The following NOTCH2NLB variants were observed in gnomAD, a reference collection of about 807,000 sequenced individuals.
The protein encoded by NOTCH2NLB is notch homolog 2 N-terminal-like protein B.
NOTCH2NLB carries 1 observed loss-of-function variant against 14.8 expected under a neutral mutation model. The observed-to-expected ratio is 0.07, with a 90% CI of 0.02 to 0.32. The LOEUF is 0.32. NOTCH2NLB is among the 10% of genes least tolerant of loss of function. The pLI, the probability that NOTCH2NLB is intolerant of heterozygous loss-of-function variation, is 1.00. For missense variants in NOTCH2NLB, 11 were observed against 155.0 expected, an observed-to-expected ratio of 0.07 and a Z score of 4.93; for synonymous variants, 6 against 57.5, an observed-to-expected ratio of 0.10 and a Z score of 4.05.
intron 1 of NOTCH2NLB, among the ~76,000 whole-genome samples, chr1:148,661,318 A>T (rs1209903061): frequency 5.3e-5 from 8 of 149,972 alleles, no homozygotes; most frequent in African/African-American, 1.9e-4. Context: ...TTGAAAAAAC[A>T]ATTCCAAGGT....
downstream of NOTCH2NLB, among the ~76,000 whole-genome samples, chr1:148,604,931 A>G (rs1663459905): frequency 7.3e-6 from 1 of 136,790 alleles, no homozygotes; most frequent in East Asian, 2.1e-4. Context: ...CTACTTTTAA[A>G]CATCTGCACA....
At chr1:148,621,490 C>A (rs1361067780) in intron 2 of NOTCH2NLB, among the ~76,000 whole-genome samples, 1 of 91,408 alleles carries the variant, frequency 1.1e-5, no homozygotes. Context: ...ACAGTGACTA[C>A]TAAGCAGTAG....
At chr1:148,633,363 C>T (rs1664150784) in intron 2 of NOTCH2NLB, among the ~76,000 whole-genome samples, 1 of 107,200 alleles carries the variant, frequency 9.3e-6, no homozygotes, top group Non-Finnish European at 1.8e-5. Context: ...ACCATCCTGG[C>T]TAACACAGTG....
chr1:148,661,334 C>G (rs1299476992), intron 1 of NOTCH2NLB, among the ~76,000 whole-genome samples: 1 of 150,164 alleles, frequency 6.7e-6, no homozygotes, highest in South Asian at 2.1e-4. Context: ...AAGGTCTATT[C>G]CTCCTCCCAA....
intron 2 of NOTCH2NLB, among the ~76,000 whole-genome samples, chr1:148,616,381 T>C (rs1238022710): frequency 1.4e-5 from 2 of 147,528 alleles, no homozygotes; most frequent in East Asian, 4.2e-4. Flanking sequence ...CACAATATAA[T>C]GCATGAACTT....
chr1:148,636,431 C>CCACCACT (rs1571103302), intron 2 of NOTCH2NLB, among the ~76,000 whole-genome samples: 1 of 53,006 alleles, frequency 1.9e-5, no homozygotes, highest in Non-Finnish European at 2.9e-5. Context: ...AGTTCCCATC[C>CCACCACT]CACCACTCAC....
intron 3 of NOTCH2NLB, among the ~76,000 whole-genome samples, chr1:148,612,890 G>GA (rs1291613507): frequency 1.4e-3 from 117 of 83,124 alleles, no homozygotes; most frequent in South Asian, 2.4e-3. Context: ...TCTCCATCAG[G>GA]AAAAAAAAAA....
intron 2 of NOTCH2NLB, among the ~76,000 whole-genome samples, chr1:148,638,562 T>A (rs1320162276): frequency 2.7e-5 from 4 of 149,444 alleles, no homozygotes; most frequent in Non-Finnish European, 4.5e-5. Flanking sequence ...ACCACATGTT[T>A]TTTTTCCCCC....
intron 1 of NOTCH2NLB, among the ~76,000 whole-genome samples, chr1:148,670,535 A>ATATATATATATATAT (rs1347581270): frequency 1.2e-4 from 7 of 60,514 alleles, no homozygotes; most frequent in African/African-American, 1.6e-4. Flanking sequence ...AAACTAAAAA[A>ATATATATATATATAT]AAAAATATAT....
At chr1:148,700,062 G>T in the NOTCH2NLB span, among the ~76,000 whole-genome samples, 2 of 85,984 alleles carry the variant, frequency 2.3e-5, 1 homozygote, top group Non-Finnish European at 5.1e-5. Context: ...CCCATCATGT[G>T]TTGTTCCCCC....
the NOTCH2NLB span, among the ~76,000 whole-genome samples, chr1:148,691,771 G>A: frequency 4.6e-3 from 283 of 61,868 alleles, 17 homozygotes; most frequent in East Asian, 5.0e-3. Flanking sequence ...ATGGCTTAGC[G>A]CCATCCCCTT....
chr1:148,686,777 A>G, the NOTCH2NLB span, among the ~76,000 whole-genome samples: 1 of 72,750 alleles, frequency 1.4e-5, no homozygotes, highest in Non-Finnish European at 3.2e-5. Flanking sequence ...AGCTAAGAAC[A>G]GATTCTCCCT....
At chr1:148,670,539 A>AATATATATATACATATAT in intron 1 of NOTCH2NLB, among the ~76,000 whole-genome samples, 1 of 93,464 alleles carries the variant, frequency 1.1e-5, no homozygotes, top group African/African-American at 4.3e-5. Flanking sequence ...TAAAAAAAAA[A>AATATATATATACATATAT]ATATATATAT....
intron 1 of NOTCH2NLB, among the ~76,000 whole-genome samples, chr1:148,670,903 A>G (rs1218253381): frequency 9.2e-5 from 1 of 10,916 alleles, no homozygotes; most frequent in East Asian, 2.1e-3. Context: ...CTTAGAAAGA[A>G]TATGTCAGAG....
At chr1:148,610,319 G>GAGAGAA (rs1553339607) in intron 3 of NOTCH2NLB, among the ~76,000 whole-genome samples, 5 of 54,956 alleles carry the variant, frequency 9.1e-5, no homozygotes, top group African/African-American at 4.3e-4. Context: ...AAGAGAGAAA[G>GAGAGAA]AGAGAGAAAG....
At chr1:148,673,741 G>A (rs1226171442) in intron 1 of NOTCH2NLB, among the ~76,000 whole-genome samples, 30 of 151,140 alleles carry the variant, frequency 2.0e-4, no homozygotes, top group African/African-American at 6.8e-4. Flanking sequence ...TTTCCAAGGG[G>A]GAAAAATGAC....
chr1:148,670,539 A>AAATATATACAC (rs1445301786), intron 1 of NOTCH2NLB, among the ~76,000 whole-genome samples: 1 of 93,482 alleles, frequency 1.1e-5, no homozygotes, highest in African/African-American at 4.3e-5. Context: ...TAAAAAAAAA[A>AAATATATACAC]ATATATATAT....
At chr1:148,608,187 G>A (rs1663566113) in intron 3 of NOTCH2NLB, among the ~76,000 whole-genome samples, 1 of 135,708 alleles carries the variant, frequency 7.4e-6, no homozygotes, top group Admixed American at 6.9e-5. Flanking sequence ...AGGAGTTCAA[G>A]ACCAGCCCAG....
the NOTCH2NLB span, among the ~76,000 whole-genome samples, chr1:148,686,759 C>T: frequency 1.3e-5 from 1 of 75,656 alleles, no homozygotes; most frequent in African/African-American, 3.7e-5. Flanking sequence ...TTTCTGGTAG[C>T]CGCCAGAAGC....
Sources: allele counts gnomAD v4.1 joint callset (sites outside exome capture counted in the v4.1 genomes callset), GRCh38; gene constraint gnomAD v4.1.1; transcripts MANE v1.5; gene names NCBI Gene and HGNC (gene_info 2026-07-23, HGNC 2026-07-21).